The following CUX1 variants were observed in gnomAD, a reference collection of about 807,000 sequenced individuals.
The protein encoded by CUX1 is protein CASP.
Under a neutral mutation model 158.8 loss-of-function variants are expected in CUX1, and 31 were observed. The ratio of observed to expected loss-of-function variants is 0.20; its 90% CI spans 0.15 to 0.26. The LOEUF is 0.26. Ranked by LOEUF, CUX1 falls within the 10% of genes least tolerant of loss-of-function variation. CUX1 has a pLI of 1.00. For synonymous variants in CUX1, 879 were observed against 862.1 expected (o/e 1.02, Z -0.34); for missense variants, 1,589 against 2,014.6 (o/e 0.79, Z 4.04).
chr7:101,875,044 A>G (rs1349655921), intron 1 of CUX1, among the ~76,000 whole-genome samples: 1 of 152,190 alleles, frequency 6.6e-6, no homozygotes, highest in Non-Finnish European at 1.5e-5. Context: ...GGAAGACGTC[A>G]AAAAGGAGAA....
intron 2 of CUX1, among the ~76,000 whole-genome samples, chr7:101,931,460 AC>A (rs140129877): frequency 2.0e-5 from 3 of 152,330 alleles, no homozygotes; most frequent in Non-Finnish European, 2.9e-5. Context: ...CTTAACACTC[AC>A]AGGATCCCTA....
intron 11 of CUX1, among the ~76,000 whole-genome samples, chr7:102,179,842 G>T (rs532539804): frequency 3.1e-4 from 47 of 152,314 alleles, no homozygotes; most frequent in African/African-American, 1.1e-3. Flanking sequence ...TGCCCGTTCA[G>T]GCCCATTCCT....
chr7:102,226,453 T>C (rs1456304565), intron 20 of CUX1, among the ~76,000 whole-genome samples: 1 of 152,070 alleles, frequency 6.6e-6, no homozygotes, highest in Non-Finnish European at 1.5e-5. Flanking sequence ...CAGCTGGGCA[T>C]GGTGGTGTGC....
rs1239540603 is a variant in CUX1 at position 102,252,808 on chromosome 7, G to A, written c.*3766G>A. On this transcript the variant is annotated 3_prime_UTR_variant, in exon 24 of 24. Coordinates refer to ENST00000292535, the MANE Select transcript of CUX1 (RefSeq NM_181552.4). ...AGACATCTGTGGTTTCTGCTCACCA[G>A]ACCTCTCTTTAGAAAGGGTTATCAG... The A allele has an allele frequency of 1.0e-6, 1 of 985,318 alleles. No individual in the cohort carries two copies. Among genetic ancestry groups the A allele is most frequent in the African/African-American group, 1.7e-5 (1 of 57,222 alleles). The allele number at this position is 985,318 out of a possible 1,614,324, so 61.0% of individuals were successfully genotyped here.
Position 102,197,114 on chromosome 7 carries a change from A to G in CUX1, c.1703A>G (p.Asn568Ser). 4 of 1,614,244 alleles carry G rather than the reference A, an allele frequency of 2.5e-6. No homozygotes were observed. The highest frequency in any genetic ancestry group is 3.4e-6 in the Non-Finnish European group (4 of 1,180,044). ...RQVKEQLIKH[N>S]IGQRIFGHYV... Reference sequence around the variant, plus strand: ...GTCAAAGAGCAGCTGATTAAGCACAATATCGGACAACGTATTTTCGGACAT... The same window carrying G: ...GTCAAAGAGCAGCTGATTAAGCACAGTATCGGACAACGTATTTTCGGACAT... Residue 568 changes from asparagine (N) to serine (S), a missense_variant, in exon 15 of 24, where the codon AAT becomes AGT. Asn to Ser is a conservative substitution (Grantham distance 46). Coordinates refer to ENST00000292535, the MANE Select transcript of CUX1 (RefSeq NM_181552.4).
intron 20 of CUX1, among the ~76,000 whole-genome samples, chr7:102,281,443 A>G (rs141125551): frequency 0.023 from 3,521 of 151,468 alleles, 127 homozygotes; most frequent in African/African-American, 0.081. Flanking sequence ...TGGGCGGATC[A>G]CCTGAGGTCT....
rs142573913 is a variant in CUX1 at position 102,131,643 on chromosome 7, T to C, written c.674+16370T>C. Among the ~76,000 whole-genome samples the C allele has an allele frequency of 5.0e-4, 76 of 151,546 alleles. 1 individual carries two copies. In the East Asian group the frequency reaches 0.014, roughly 28 times the overall value. Reference sequence around the variant, plus strand: ...AGCCCCATGCAAAATAAAATCTATTTAGTTATTTTTATTTATTTTTTATTT... The same window carrying C: ...AGCCCCATGCAAAATAAAATCTATTCAGTTATTTTTATTTATTTTTTATTT... On this transcript the variant is annotated intron_variant, in intron 8 of 23. Transcript: ENST00000292535.
intron 2 of CUX1, among the ~76,000 whole-genome samples, chr7:102,023,283 C>T (rs532473818): frequency 6.4e-4 from 97 of 152,230 alleles, no homozygotes; most frequent in African/African-American, 2.3e-3. Context: ...TGGTTTTGGC[C>T]AGCCTGAACC....
chr7:101,969,190 C>G (rs1291683218), intron 2 of CUX1, among the ~76,000 whole-genome samples: 1 of 151,520 alleles, frequency 6.6e-6, no homozygotes, highest in Non-Finnish European at 1.5e-5. Context: ...AAAAAATTAG[C>G]TGAGCGTGGT....
chr7:102,177,437 A>C (rs1218191548), intron 10 of CUX1, among the ~76,000 whole-genome samples: 6 of 152,148 alleles, frequency 3.9e-5, no homozygotes, highest in African/African-American at 1.4e-4. Context: ...AAAGAAAAGA[A>C]AAAGAAAATG....
At chr7:102,050,905 A>G (rs1311964941) in intron 3 of CUX1, among the ~76,000 whole-genome samples, 1 of 152,006 alleles carries the variant, frequency 6.6e-6, no homozygotes, top group Admixed American at 6.6e-5. Context: ...CCTCGCTGGA[A>G]TCAGCTCCCT....
chr7:102,052,304 TTCTGTAGATTTGGCCATTCCCCCCATGTC>T (rs1823611434), intron 3 of CUX1, among the ~76,000 whole-genome samples: 1 of 152,192 alleles, frequency 6.6e-6, no homozygotes, highest in Non-Finnish European at 1.5e-5. Context: ...TGAATCCCCC[TTCTGTAGATTTGGCCATTCCCCCCATGTC>T]TCTGTAGATT....
At chr7:101,982,888 CA>C (rs1813637549) in intron 2 of CUX1, among the ~76,000 whole-genome samples, 1 of 118,886 alleles carries the variant, frequency 8.4e-6, no homozygotes, top group Non-Finnish European at 1.7e-5. Context: ...CACCCCATGA[CA>C]AGCCCCGGTG....
intron 2 of CUX1, among the ~76,000 whole-genome samples, chr7:101,998,123 C>A (rs1222284617): frequency 2.6e-5 from 4 of 152,210 alleles, no homozygotes; most frequent in Non-Finnish European, 5.9e-5. Flanking sequence ...CATAATAAGC[C>A]TTGGTAAAGG....
At chr7:102,132,680 C>CTTTTTTTTTTT (rs1174779466) in intron 8 of CUX1, among the ~76,000 whole-genome samples, 4 of 115,184 alleles carry the variant, frequency 3.5e-5, no homozygotes, top group African/African-American at 7.0e-5. Flanking sequence ...CTTTGCTTTT[C>CTTTTTTTTTTT]TTTTTTTTTT....
At chr7:102,204,695 C>A in intron 19 of CUX1, 139 bp downstream of exon 19, 2 of 1,152,106 alleles carry the variant, frequency 1.7e-6, no homozygotes, top group Non-Finnish European at 2.4e-6. Flanking sequence ...CCACCGTGGG[C>A]TGGTGCTGGG....
At chr7:102,233,897 T>C (rs892623709) in intron 21 of CUX1, among the ~76,000 whole-genome samples, 155 bp from the exon 22 acceptor site, 1 of 152,188 alleles carries the variant, frequency 6.6e-6, no homozygotes, top group African/African-American at 2.4e-5. Flanking sequence ...GTTGAAGATA[T>C]ATTTCTACCA....
intron 2 of CUX1, among the ~76,000 whole-genome samples, chr7:102,016,825 C>T (rs1218069064): frequency 6.6e-6 from 1 of 152,178 alleles, no homozygotes; most frequent in African/African-American, 2.4e-5. Context: ...GATTAATCTG[C>T]GTTCTGATTT....
intron 8 of CUX1, among the ~76,000 whole-genome samples, chr7:102,136,413 A>G (rs1205880982): frequency 6.7e-6 from 1 of 149,782 alleles, no homozygotes; most frequent in East Asian, 1.9e-4. Flanking sequence ...TTTATTTGAG[A>G]TGGAGTCTTG....
Sources: allele counts gnomAD v4.1 joint callset (sites outside exome capture counted in the v4.1 genomes callset), GRCh38; gene constraint gnomAD v4.1.1; transcripts MANE v1.5; gene names NCBI Gene and HGNC (gene_info 2026-07-23, HGNC 2026-07-21).